The following RYR2 variants were observed in gnomAD, a reference collection of about 807,000 sequenced individuals.
The protein encoded by RYR2 is cardiac muscle ryanodine receptor-calcium release channel.
RYR2 carries 227 observed loss-of-function variants against 601.1 expected under a neutral mutation model. The ratio of observed to expected loss-of-function variants is 0.38; its 90% CI spans 0.34 to 0.42. The LOEUF is 0.42. Among genes scored for constraint, RYR2 ranks in the 10% least tolerant of loss-of-function variants. RYR2 has a pLI of 1.00. For missense variants in RYR2, 4,646 were observed against 6,156.5 expected, an observed-to-expected ratio of 0.75 and a Z score of 8.21; for synonymous variants, 2,223 against 2,175.1, an observed-to-expected ratio of 1.02 and a Z score of -0.61.
At chr1:237,182,356 G>A (rs1179413966) in intron 1 of RYR2, among the ~76,000 whole-genome samples, 1 of 151,900 alleles carries the variant, frequency 6.6e-6, no homozygotes, top group Non-Finnish European at 1.5e-5. Flanking sequence ...TCCTGACCTC[G>A]TGATCCACCT....
intron 2 of RYR2, among the ~76,000 whole-genome samples, chr1:237,321,627 G>A (rs962358211): frequency 2.0e-5 from 3 of 152,152 alleles, no homozygotes; most frequent in Admixed American, 6.5e-5. Context: ...CAAATGAGGA[G>A]GTGGGAGGGA....
intron 25 of RYR2, among the ~76,000 whole-genome samples, chr1:237,539,436 T>G (rs1205694934): frequency 1.3e-5 from 2 of 152,272 alleles, no homozygotes; most frequent in East Asian, 3.8e-4. Flanking sequence ...TACTGCTGTC[T>G]CTTTTGCATA....
chr1:237,284,584 CCACA>C (rs1691301346), intron 2 of RYR2, among the ~76,000 whole-genome samples: 1 of 90,184 alleles, frequency 1.1e-5, no homozygotes, highest in African/African-American at 6.8e-5. Context: ...ACACACACAC[CCACA>C]CACAGACCCA....
intron 1 of RYR2, among the ~76,000 whole-genome samples, chr1:237,044,601 C>T (rs532698114): frequency 2.7e-5 from 4 of 150,782 alleles, no homozygotes; most frequent in South Asian, 2.1e-4. Flanking sequence ...GCTGTGCTGA[C>T]GACAAATGAC....
intron 84 of RYR2, among the ~76,000 whole-genome samples, chr1:237,762,810 CAA>C (rs1359206631): frequency 6.6e-6 from 1 of 152,184 alleles, no homozygotes; most frequent in Non-Finnish European, 1.5e-5. Flanking sequence ...AACAGAAAAA[CAA>C]AAGCAAAATC....
At position 237,792,341 on chromosome 1, in the gene RYR2, C is replaced by T. The variant is rs374955812; in HGVS notation, c.13782+18C>T. 125 of 1,514,958 alleles carry T rather than the reference C, an allele frequency of 8.3e-5. No homozygotes were observed. Among genetic ancestry groups the T allele is most frequent in the Non-Finnish European group, 1.1e-4 (121 of 1,102,316 alleles). The allele number at this position is 1,514,958 out of a possible 1,614,324, so 93.8% of individuals were successfully genotyped here. ...GCTTGAAAGTAAGATAGTAAGGCAC[C>T]AAGGTACCTGTGTGTGTGTGTGTGT... is the stretch of plus-strand genomic sequence containing the variant. On this transcript the variant is annotated intron_variant, in intron 94 of 104. Coordinates refer to ENST00000366574, the MANE Select transcript of RYR2 (RefSeq NM_001035.3).
At chr1:237,759,728 CAA>C (rs1558357225) in intron 82 of RYR2, 46 bp from the exon 83 acceptor site, 14 of 1,120,844 alleles carry the variant, frequency 1.2e-5, no homozygotes, top group Non-Finnish European at 1.9e-5. Context: ...ATTTAACAAA[CAA>C]TAAGATTTTT....
chr1:237,673,402 T>A (rs958011033), intron 58 of RYR2, among the ~76,000 whole-genome samples: 24 of 152,306 alleles, frequency 1.6e-4, no homozygotes, highest in African/African-American at 5.8e-4. Flanking sequence ...TTAGTTTTTT[T>A]AAATTTACAT....
At chr1:237,551,739 A>AT (rs1559014351) in intron 27 of RYR2, among the ~76,000 whole-genome samples, 1 of 152,164 alleles carries the variant, frequency 6.6e-6, no homozygotes, top group African/African-American at 2.4e-5. Context: ...TTTTCAGTGC[A>AT]TTACCTGTAC....
At chr1:237,390,834 A>G (rs1284026345) in intron 10 of RYR2, among the ~76,000 whole-genome samples, 1 of 152,114 alleles carries the variant, frequency 6.6e-6, no homozygotes, top group Non-Finnish European at 1.5e-5. Context: ...TATTCTTAGT[A>G]TGTAATTAGA....
chr1:237,546,101 G>A (rs955726826), intron 25 of RYR2, among the ~76,000 whole-genome samples: 2 of 151,784 alleles, frequency 1.3e-5, no homozygotes, highest in Non-Finnish European at 2.9e-5. Context: ...TCAGAAGTCT[G>A]TCGAATACAA....
chr1:237,783,261 C>T (rs1434153630), intron 89 of RYR2, among the ~76,000 whole-genome samples: 2 of 152,100 alleles, frequency 1.3e-5, no homozygotes, highest in South Asian at 2.1e-4. Context: ...ACAAAAAGTA[C>T]CTGCCTTACA....
chr1:237,132,671 G>A (rs1465419432), intron 1 of RYR2, among the ~76,000 whole-genome samples: 4 of 152,078 alleles, frequency 2.6e-5, no homozygotes, highest in African/African-American at 4.8e-5. Flanking sequence ...CATGCAGTGG[G>A]ACTCACAGAA....
At chr1:237,412,461 G>A (rs1273637520) in intron 10 of RYR2, among the ~76,000 whole-genome samples, 2 of 152,158 alleles carry the variant, frequency 1.3e-5, no homozygotes, top group African/African-American at 2.4e-5. Context: ...GTTATTATAT[G>A]TGCATATTTT....
intron 86 of RYR2, among the ~76,000 whole-genome samples, chr1:237,773,009 T>G (rs576157422): frequency 6.6e-6 from 1 of 152,312 alleles, no homozygotes; most frequent in Non-Finnish European, 1.5e-5. Flanking sequence ...TTTACAATTG[T>G]TAGTATTTAC....
rs1197977885 is a variant in RYR2 at position 237,590,919 on chromosome 1, A to G, written c.4087A>G (p.Lys1363Glu). 6.2e-7 allele frequency: 1 copy of G among 1,613,810 alleles called. No homozygotes were observed. Among genetic ancestry groups the G allele is most frequent in the Non-Finnish European group, 8.5e-7 (1 of 1,179,864 alleles). ...HLVPDRVDKD[K>E]EATKPEFNNH... is the part of the protein sequence containing the mutation. ...AGTGCCCGATCGTGTTGACAAAGAC[A>G]AAGAAGCTACTAAACCAGAGTTTAA... Residue 1363 changes from lysine (K) to glutamate (E), a missense_variant, in exon 31 of 105, where the codon AAA becomes GAA. Lys to Glu is a moderately conservative substitution (Grantham distance 56). This residue lies in a region of RYR2 where 1,807 missense variants were observed against 2,088.1 expected (regional missense o/e 0.87). Coordinates refer to ENST00000366574, the MANE Select transcript of RYR2 (RefSeq NM_001035.3).
chr1:237,542,363 A>C (rs1669385422), intron 25 of RYR2, among the ~76,000 whole-genome samples: 1 of 152,138 alleles, frequency 6.6e-6, no homozygotes, highest in African/African-American at 2.4e-5. Context: ...ATGTATTATT[A>C]GTTCCTAGAA....
rs1298363886 is a variant in RYR2, at chr1:237,659,654, C to G, written c.8209-331C>G. On this transcript the variant is annotated intron_variant, in intron 54 of 104. Coordinates refer to ENST00000366574, the MANE Select transcript of RYR2 (RefSeq NM_001035.3). ...CTCCTCCTGTGGGAATGCTTATTGG[C>G]ACAATTATAAGACCTTGGTCTGTTT... is the stretch of plus-strand genomic sequence containing the variant. Among the ~76,000 whole-genome samples, 11 of 152,288 alleles carry G rather than the reference C, an allele frequency of 7.2e-5. 1 individual carries two copies. The South Asian group carries it at 1.7e-3, about 23-fold the overall frequency.
chr1:237,685,731 T>G (rs1400573005), intron 62 of RYR2, among the ~76,000 whole-genome samples: 1 of 152,156 alleles, frequency 6.6e-6, no homozygotes, highest in African/African-American at 2.4e-5. Context: ...TGGACAAAGT[T>G]TCTCCTGTTT....
Sources: allele counts gnomAD v4.1 joint callset (sites outside exome capture counted in the v4.1 genomes callset), GRCh38; gene constraint gnomAD v4.1.1; regional missense constraint gnomAD v4.1.1; transcripts MANE v1.5; gene names NCBI Gene and HGNC (gene_info 2026-07-23, HGNC 2026-07-21).